CSMD3: variants seen among roughly 807,000 people sequenced by gnomAD.
CSMD3 encodes CUB and Sushi multiple domains 3, also known as CUB and sushi domain-containing protein 3.
Under a neutral mutation model 435.2 loss-of-function variants are expected in CSMD3, and 177 were observed. That is an observed-to-expected ratio of 0.41 (90% CI 0.36 to 0.46). The LOEUF (loss-of-function observed/expected upper bound fraction) is 0.46, where lower values mean the gene tolerates loss of function less well. Ranked by LOEUF, CSMD3 falls within the 20% of genes least tolerant of loss-of-function variation. CSMD3 has a pLI of 0.34. For missense variants in CSMD3, 4,265 were observed against 4,504.6 expected (o/e 0.95, Z 1.52); for synonymous variants, 1,656 against 1,520.5 (o/e 1.09, Z -2.07).
rs73700772 is a variant in CSMD3, at chr8:112,674,428, G to A, written c.2678-8013C>T. Among the ~76,000 whole-genome samples the A allele has an allele frequency of 5.0e-3, 757 of 152,102 alleles. 6 individuals are homozygous for A. The highest frequency in any genetic ancestry group is 0.016 in the African/African-American group (679 of 41,526). ...TCCCATGAGAACAAATGAGTTGTTT[G>A]CAAAGGCCAAGAGTGAGGAGAATGG... On this transcript the variant is annotated intron_variant, in intron 16 of 70. Transcript: ENST00000297405.
intron 5 of CSMD3, among the ~76,000 whole-genome samples, chr8:113,061,346 T>C (rs764475690): frequency 3.9e-5 from 6 of 152,100 alleles, no homozygotes; most frequent in Non-Finnish European, 5.9e-5. Context: ...AGAGGAATTA[T>C]TGTCCACATG....
At chr8:112,844,443 G>A (rs369076020) in intron 11 of CSMD3, among the ~76,000 whole-genome samples, 2 of 151,952 alleles carry the variant, frequency 1.3e-5, no homozygotes, top group African/African-American at 2.4e-5. Flanking sequence ...TTGTAGCTAA[G>A]TATGAGAATG....
At chr8:112,263,953 T>C in intron 60 of CSMD3, 141 bp from the exon 61 acceptor site, 4 of 804,918 alleles carry the variant, frequency 5.0e-6, no homozygotes, top group Non-Finnish European at 6.3e-6. Context: ...CTTATTCTCC[T>C]GGTAGTGTTC....
chr8:112,935,848 G>T (rs2083265221), intron 9 of CSMD3, among the ~76,000 whole-genome samples: 1 of 152,056 alleles, frequency 6.6e-6, no homozygotes, highest in Non-Finnish European at 1.5e-5. Context: ...TGTGGTGAAT[G>T]TATTACAGAT....
chr8:112,888,862 A>T (rs989897843), intron 10 of CSMD3, among the ~76,000 whole-genome samples: 3 of 151,576 alleles, frequency 2.0e-5, no homozygotes, highest in African/African-American at 7.3e-5. Flanking sequence ...CCTGCATGAA[A>T]CTTAACTGGT....
chr8:112,697,792 G>GA (rs2131859255), intron 13 of CSMD3, among the ~76,000 whole-genome samples: 2 of 152,140 alleles, frequency 1.3e-5, no homozygotes, highest in South Asian at 4.2e-4. Flanking sequence ...GTCCTTAACT[G>GA]AAGGCACAAA....
At chr8:112,797,641 T>A (rs979060534) in intron 13 of CSMD3, among the ~76,000 whole-genome samples, 1 of 151,898 alleles carries the variant, frequency 6.6e-6, no homozygotes. Flanking sequence ...TCTGGAAAGG[T>A]TTTTAGCAGG....
chr8:112,368,536 T>C (rs148477105), intron 38 of CSMD3, among the ~76,000 whole-genome samples: 1 of 152,326 alleles, frequency 6.6e-6, no homozygotes, highest in Non-Finnish European at 1.5e-5. Flanking sequence ...TTACTCTTAA[T>C]TAGTCTAAAA....
intron 3 of CSMD3, among the ~76,000 whole-genome samples, chr8:113,270,409 T>C (rs1250419126): frequency 6.6e-5 from 10 of 152,150 alleles, no homozygotes; most frequent in Admixed American, 5.9e-4. Flanking sequence ...TTGTGTAAGA[T>C]AGTGTGGTGA....
rs78025875 is a variant in CSMD3 at position 112,914,844 on chromosome 8, C to G, written c.1633+6783G>C. Among the ~76,000 whole-genome samples the G allele has an allele frequency of 5.8e-3, 885 of 151,876 alleles. 7 individuals are homozygous for G. Among genetic ancestry groups the G allele is most frequent in the African/African-American group, 0.02 (831 of 41,490 alleles). Reference sequence around the variant, plus strand: ...CACTTTTATCTATAAACCCTCCTTCCCAGAGCTAGCCCAGCTATTATTTTG... The same window carrying G: ...CACTTTTATCTATAAACCCTCCTTCGCAGAGCTAGCCCAGCTATTATTTTG... On this transcript the variant is annotated intron_variant, in intron 10 of 70. Transcript: ENST00000297405.
chr8:113,204,807 A>G (rs1271303012), intron 3 of CSMD3, among the ~76,000 whole-genome samples: 1 of 152,130 alleles, frequency 6.6e-6, no homozygotes. Flanking sequence ...CCATTTTCAC[A>G]CTGCTAATAA....
intron 27 of CSMD3, among the ~76,000 whole-genome samples, chr8:112,533,824 T>A (rs1234266262): frequency 6.6e-6 from 1 of 152,058 alleles, no homozygotes; most frequent in Non-Finnish European, 1.5e-5. Flanking sequence ...TATACATACT[T>A]CTCATTAGCA....
intron 4 of CSMD3, among the ~76,000 whole-genome samples, chr8:113,121,498 C>A (rs2090984446): frequency 6.6e-6 from 1 of 152,096 alleles, no homozygotes; most frequent in Admixed American, 6.6e-5. Flanking sequence ...TAGACCTACA[C>A]CAAGGGAGCT....
chr8:112,709,554 CAG>C (rs920435365), intron 13 of CSMD3, among the ~76,000 whole-genome samples: 3 of 151,770 alleles, frequency 2.0e-5, no homozygotes, highest in African/African-American at 7.3e-5. Flanking sequence ...TTCAGAGAAA[CAG>C]AAAAAAATAC....
intron 9 of CSMD3, among the ~76,000 whole-genome samples, chr8:112,945,588 A>ATGTGTGTG (rs10574750): frequency 9.5e-4 from 133 of 140,688 alleles, no homozygotes; most frequent in African/African-American, 2.6e-3. Flanking sequence ...ATACAGAAAT[A>ATGTGTGTG]TGTGTGTGTG....
chr8:112,310,812 C>G, intron 50 of CSMD3, 166 bp downstream of exon 50: 1 of 713,550 alleles, frequency 1.4e-6, no homozygotes, highest in South Asian at 1.5e-5. Flanking sequence ...TTTCTTTCCC[C>G]TGGAATTTAT....
intron 9 of CSMD3, among the ~76,000 whole-genome samples, chr8:112,942,354 A>G (rs778305988): frequency 6.6e-5 from 10 of 151,678 alleles, no homozygotes; most frequent in Non-Finnish European, 1.0e-4. Flanking sequence ...CAGTAATACC[A>G]TTATTGCGTA....
chr8:112,658,130 T>C (rs756748756), intron 17 of CSMD3, among the ~76,000 whole-genome samples: 7 of 152,232 alleles, frequency 4.6e-5, no homozygotes, highest in Non-Finnish European at 8.8e-5. Context: ...TTTACTCATG[T>C]TAAATGCACT....
intron 5 of CSMD3, among the ~76,000 whole-genome samples, chr8:113,058,740 A>G (rs1332652240): frequency 6.6e-6 from 1 of 152,004 alleles, no homozygotes; most frequent in Non-Finnish European, 1.5e-5. Context: ...AAGCTTCCCT[A>G]GCGATACCTG....
Sources: allele counts gnomAD v4.1 joint callset (sites outside exome capture counted in the v4.1 genomes callset), GRCh38; gene constraint gnomAD v4.1.1; transcripts MANE v1.5; gene names NCBI Gene and HGNC (gene_info 2026-07-23, HGNC 2026-07-21).